Variants in HEXB observed in about 807,000 individuals in gnomAD.
HEXB encodes the protein beta-hexosaminidase subunit beta.
Under a neutral mutation model 71.2 loss-of-function variants are expected in HEXB, and 51 were observed. The observed-to-expected ratio is 0.72, with a 90% CI of 0.57 to 0.90. The LOEUF (loss-of-function observed/expected upper bound fraction) is 0.90, where lower values mean the gene tolerates loss of function less well. Ranked by LOEUF, HEXB falls within the 40% of genes least tolerant of loss-of-function variation. The pLI is 0.00. For missense variants in HEXB, 617 were observed against 677.0 expected (o/e 0.91, Z 0.98); for synonymous variants, 266 against 249.3 (o/e 1.07, Z -0.63).
intron 1 of HEXB, among the ~76,000 whole-genome samples, chr5:74,655,143 C>T (rs141028617): frequency 4.2e-4 from 64 of 152,124 alleles, no homozygotes; most frequent in Non-Finnish European, 6.9e-4. Flanking sequence ...GTTTTGAGTG[C>T]CCCTTCTCAT....
upstream of HEXB, among the ~76,000 whole-genome samples, chr5:74,680,492 G>A (rs572921158): frequency 4.2e-4 from 64 of 152,284 alleles, no homozygotes; most frequent in Middle Eastern, 0.01. Flanking sequence ...CCCACACCTG[G>A]ATGTAATTTA....
Position 74,652,943 on chromosome 5 carries a change from C to T in HEXB, c.-377+12385C>T, listed in dbSNP as rs780082017. On this transcript the variant is annotated intron_variant, in intron 1 of 13. Coordinates refer to the HEXB transcript ENST00000511181. This position sits in a 1 kb window ranked among gnomAD's most constrained non-coding sequence, Gnocchi z 5.4. Reference sequence around the variant, plus strand: ...CCAGTCATTTTTAATGCCCTCTTTGCTTTACTGAAATGGAATTTATAGATA... The same window carrying T: ...CCAGTCATTTTTAATGCCCTCTTTGTTTTACTGAAATGGAATTTATAGATA... Among the ~76,000 whole-genome samples the T allele has an allele frequency of 1.4e-4, 22 of 152,190 alleles. No homozygotes were observed. Among genetic ancestry groups the T allele is most frequent in the Non-Finnish European group, 2.9e-4 (20 of 68,040 alleles).
chr5:74,676,797 A>AGG (rs773353511), intron 1 of HEXB, among the ~76,000 whole-genome samples: 53 of 152,204 alleles, frequency 3.5e-4, no homozygotes, highest in Non-Finnish European at 6.8e-4. Context: ...AGGTGGAAGA[A>AGG]GGGGCAGTTC....
At chr5:74,685,640 C>A (rs1378875022) in intron 1 of HEXB, 81 bp downstream of exon 1, 20 of 1,296,274 alleles carry the variant, frequency 1.5e-5, no homozygotes, top group African/African-American at 1.5e-4. Flanking sequence ...CAGACCCTCA[C>A]CACCCCACTG....
intron 1 of HEXB, among the ~76,000 whole-genome samples, chr5:74,644,965 G>A (rs1580355789): frequency 6.6e-6 from 1 of 151,528 alleles, no homozygotes; most frequent in East Asian, 1.9e-4. Context: ...ACAGACAGGG[G>A]TCCATCATGT....
At chr5:74,645,122 A>G (rs2112065758) in intron 1 of HEXB, among the ~76,000 whole-genome samples, 1 of 152,228 alleles carries the variant, frequency 6.6e-6, no homozygotes, top group Non-Finnish European at 1.5e-5. Context: ...ATCATATTTT[A>G]ACATTTCAGT....
chr5:74,705,091 C>CACAAA, intron 5 of HEXB, 128 bp from the exon 6 acceptor site: 1 of 440,200 alleles, frequency 2.3e-6, no homozygotes, highest in Non-Finnish European at 4.1e-6. Flanking sequence ...GACCCTGTCT[C>CACAAA]AAAAAAAAAA....
chr5:74,720,402 A>T, intron 11 of HEXB, 26 bp from the exon 12 acceptor site: 2 of 1,480,992 alleles, frequency 1.4e-6, no homozygotes, highest in Admixed American at 1.7e-5. Flanking sequence ...TGAACTTCTG[A>T]ACTTAATTCA....
At chr5:74,696,903 T>A in intron 4 of HEXB, 93 bp from the exon 5 acceptor site, 1 of 785,128 alleles carries the variant, frequency 1.3e-6, no homozygotes, top group Non-Finnish European at 2.2e-6. Flanking sequence ...AAATTAATAT[T>A]TTATGAAATG....
intron 1 of HEXB, among the ~76,000 whole-genome samples, chr5:74,678,698 C>T (rs1457138290): frequency 1.3e-5 from 2 of 152,002 alleles, no homozygotes; most frequent in African/African-American, 4.8e-5. Flanking sequence ...AAAAGGAAGA[C>T]TGACAAATTT....
chr5:74,664,933 C>T (rs568286077), intron 1 of HEXB, among the ~76,000 whole-genome samples: 2 of 152,308 alleles, frequency 1.3e-5, no homozygotes, highest in African/African-American at 4.8e-5. Flanking sequence ...CGACATATCC[C>T]ATTACGCCCT....
chr5:74,675,618 CAG>C (rs1288025827), intron 1 of HEXB, among the ~76,000 whole-genome samples: 1 of 152,078 alleles, frequency 6.6e-6, no homozygotes, highest in Non-Finnish European at 1.5e-5. Flanking sequence ...GTGATGTGGT[CAG>C]AGAGGTGGTC....
At chr5:74,690,486 C>A (rs2112130993) in intron 2 of HEXB, among the ~76,000 whole-genome samples, 1 of 151,640 alleles carries the variant, frequency 6.6e-6, no homozygotes, top group East Asian at 1.9e-4. Context: ...TGCATCCCTA[C>A]TAAAAAATAC....
At position 74,718,290 on chromosome 5, in the gene HEXB, G is replaced by T; in HGVS notation, c.1170-1G>T. ...TAACTATAATTTTTTTGTAATACTA[G>T]GGTTTTGGATATTATTGCAACCATA... On this transcript the variant is annotated splice_acceptor_variant, in intron 9 of 13. Transcript: ENST00000261416. LOFTEE classifies it high-confidence loss of function. 1 of 1,587,090 alleles carries T rather than the reference G, an allele frequency of 6.3e-7. No individual in the cohort carries two copies. The highest frequency in any genetic ancestry group is 8.7e-7 in the Non-Finnish European group (1 of 1,155,608).
At chr5:74,701,886 G>C (rs1749268905) in intron 5 of HEXB, among the ~76,000 whole-genome samples, 1 of 151,804 alleles carries the variant, frequency 6.6e-6, no homozygotes, top group African/African-American at 2.4e-5. Flanking sequence ...AATAACTTCA[G>C]TACAACCATC....
In HEXB at chr5:74,653,007, T is replaced by C. The variant is rs189819313; in HGVS notation, c.-377+12449T>C. ...AATATAACTTCAAAAAACTTTAACA[T>C]TTCTTAACTGTAATGTAAAGGAGGA... On this transcript the variant is annotated intron_variant, in intron 1 of 13. Transcript: ENST00000511181. 2.0e-4 allele frequency among the ~76,000 whole-genome samples: 30 copies of C among 152,334 alleles called. No individual in the cohort carries two copies. The East Asian group carries it at 5.6e-3, about 28-fold the overall frequency.
chr5:74,709,541 G>A (rs1338915963), intron 6 of HEXB, among the ~76,000 whole-genome samples: 3 of 152,072 alleles, frequency 2.0e-5, no homozygotes, highest in African/African-American at 7.2e-5. Flanking sequence ...TTGATAGAAC[G>A]CTAGCAAGAC....
chr5:74,667,787 A>G (rs768267234), intron 1 of HEXB, among the ~76,000 whole-genome samples: 10 of 152,216 alleles, frequency 6.6e-5, no homozygotes, highest in Non-Finnish European at 1.0e-4. Flanking sequence ...TTTCAACAAC[A>G]GTATTCAAAT....
intron 2 of HEXB, 192 bp from the exon 3 acceptor site, chr5:74,693,447 G>A (rs542135775): frequency 3.1e-6 from 2 of 650,758 alleles, no homozygotes; most frequent in East Asian, 2.8e-5. Flanking sequence ...GAAGAGTTCT[G>A]TTGGGGCATG....
Sources: allele counts gnomAD v4.1 joint callset (sites outside exome capture counted in the v4.1 genomes callset), GRCh38; gene constraint gnomAD v4.1.1; non-coding constraint Gnocchi (gnomAD v3.1); transcripts MANE v1.5; gene names NCBI Gene and HGNC (gene_info 2026-07-23, HGNC 2026-07-21).